SLC22A4: variants seen among roughly 807,000 people sequenced by gnomAD.
The protein encoded by SLC22A4 is solute carrier family 22 member 4.
Under a neutral mutation model 56.6 loss-of-function variants are expected in SLC22A4, and 39 were observed. The observed-to-expected ratio is 0.69, with a 90% CI of 0.53 to 0.90. The LOEUF is 0.90. SLC22A4 is among the 40% of genes least tolerant of loss of function. SLC22A4 has a pLI of 0.00. For synonymous variants in SLC22A4, 241 were observed against 281.4 expected, an observed-to-expected ratio of 0.86 and a Z score of 1.44; for missense variants, 594 against 696.5, an observed-to-expected ratio of 0.85 and a Z score of 1.66.
chr5:132,319,583 CTTTT>C (rs1010374341), intron 3 of SLC22A4, among the ~76,000 whole-genome samples: 22 of 152,252 alleles, frequency 1.4e-4, no homozygotes, highest in African/African-American at 5.3e-4. Flanking sequence ...GGAATATTAG[CTTTT>C]GTTTTAGTTT....
chr5:132,304,335 A>C (rs1749973765), intron 1 of SLC22A4, among the ~76,000 whole-genome samples: 2 of 152,306 alleles, frequency 1.3e-5, no homozygotes, highest in South Asian at 4.1e-4. Flanking sequence ...TAGAAAGATC[A>C]GACTGGCGTG....
intron 1 of SLC22A4, among the ~76,000 whole-genome samples, chr5:132,297,368 TGGG>T (rs1749804103): frequency 6.6e-6 from 1 of 151,844 alleles, no homozygotes; most frequent in African/African-American, 2.4e-5. Flanking sequence ...CTCTGGTGGT[TGGG>T]AGGAGGAGGG....
chr5:132,341,121 A>T (rs1451776641), intron 9 of SLC22A4, among the ~76,000 whole-genome samples: 7 of 150,110 alleles, frequency 4.7e-5, no homozygotes, highest in Admixed American at 2.7e-4. Flanking sequence ...CGTCTCAAAA[A>T]AAATAAATAA....
chr5:132,327,486 A>G, intron 5 of SLC22A4, 83 bp downstream of exon 5: 2 of 1,196,554 alleles, frequency 1.7e-6, no homozygotes, highest in Non-Finnish European at 2.5e-6. Flanking sequence ...ATATTTGTTA[A>G]GTGCCCACTA....
chr5:132,295,736 A>G (rs928657397), intron 1 of SLC22A4: 8 of 176,184 alleles, frequency 4.5e-5, no homozygotes, highest in Non-Finnish European at 8.6e-5. Context: ...GCTGCTTCAC[A>G]TCTGGTAAGG....
chr5:132,295,177 C>A (rs1378381570), intron 1 of SLC22A4, 168 bp downstream of exon 1: 1 of 809,738 alleles, frequency 1.2e-6, no homozygotes. Context: ...ATAGGACTCA[C>A]GCGAGGCGCA....
intron 6 of SLC22A4, chr5:132,332,356 C>G (rs1750885182): frequency 6.1e-6 from 1 of 163,472 alleles, no homozygotes. Flanking sequence ...GTCTGCAGTA[C>G]TGGGACCCAA....
At chr5:132,342,484 C>G (rs998018728) in intron 9 of SLC22A4, among the ~76,000 whole-genome samples, 1 of 152,166 alleles carries the variant, frequency 6.6e-6, no homozygotes, top group Non-Finnish European at 1.5e-5. Flanking sequence ...TATTGAGTGT[C>G]CTATAATGCA....
chr5:132,340,063 GTT>G (rs4646203), intron 8 of SLC22A4, among the ~76,000 whole-genome samples: 1,567 of 94,886 alleles, frequency 0.017, 36 homozygotes, highest in African/African-American at 0.06. Flanking sequence ...ATACTTAGTT[GTT>G]TTTTTTTTTT....
chr5:132,312,927 G>A lies in SLC22A4; in HGVS notation c.497+663G>A, dbSNP rs570450241. On this transcript the variant is annotated intron_variant, in intron 2 of 9. Transcript: ENST00000200652. Reference sequence around the variant, plus strand: ...GAGACATGAGTTTGGAAAATGGGGCGGGAAAGGCTGTTCTGCTCACACCTG... The same window carrying A: ...GAGACATGAGTTTGGAAAATGGGGCAGGAAAGGCTGTTCTGCTCACACCTG... 1.2e-4 allele frequency among the ~76,000 whole-genome samples: 19 copies of A among 152,348 alleles called. No individual in the cohort carries two copies. The South Asian group carries it at 1.9e-3, about 15-fold the overall frequency.
chr5:132,305,057 C>G (rs1580821483), intron 1 of SLC22A4, among the ~76,000 whole-genome samples: 1 of 152,152 alleles, frequency 6.6e-6, no homozygotes, highest in East Asian at 1.9e-4. Context: ...CCAGCCTGGG[C>G]AACAGAAAGA....
chr5:132,341,554 T>C (rs1436278557), intron 9 of SLC22A4, among the ~76,000 whole-genome samples: 3 of 152,190 alleles, frequency 2.0e-5, no homozygotes, highest in Non-Finnish European at 2.9e-5. Context: ...AAATTCAGTA[T>C]GTAATAAAAA....
Position 132,322,294 on chromosome 5 carries a change from G to A in SLC22A4, c.763G>A (p.Asp255Asn). 1.9e-6 allele frequency: 3 copies of A among 1,614,130 alleles called. No individual in the cohort carries two copies. Among genetic ancestry groups the A allele is most frequent in the Non-Finnish European group, 2.5e-6 (3 of 1,180,022 alleles). The change falls in exon 4 of 10, where the codon GAC (aspartate) becomes AAC (asparagine). Residue 255 changes from aspartate (D) to asparagine (N), a missense_variant. By Grantham distance (23) the Asp-to-Asn change is conservative. Coordinates refer to ENST00000200652, the MANE Select transcript of SLC22A4 (RefSeq NM_003059.3). ...LLPLFAYFIRDWRMLLLALTV... is the reference protein window; with the variant it reads ...LLPLFAYFIRNWRMLLLALTV... ...GCCACTGTTTGCTTACTTCATCAGA[G>A]ACTGGCGGATGCTGCTGCTGGCGCT... is the stretch of plus-strand genomic sequence containing the variant.
intron 1 of SLC22A4, among the ~76,000 whole-genome samples, chr5:132,310,200 T>C (rs1487648906): frequency 6.6e-6 from 1 of 152,224 alleles, no homozygotes; most frequent in African/African-American, 2.4e-5. Flanking sequence ...GAGGCCCAAG[T>C]AGGTATCTAT....
chr5:132,337,269 CTTTTTTTTTT>C (rs66717474), intron 8 of SLC22A4, among the ~76,000 whole-genome samples: 2 of 48,244 alleles, frequency 4.1e-5, no homozygotes, highest in Non-Finnish European at 4.0e-5. Flanking sequence ...TAAAGATTAC[CTTTTTTTTTT>C]TTTTTTTTTT....
intron 8 of SLC22A4, 101 bp from the exon 9 acceptor site, chr5:132,340,464 T>C: frequency 9.1e-7 from 1 of 1,102,894 alleles, no homozygotes; most frequent in Non-Finnish European, 1.4e-6. Context: ...CAGATTTAAA[T>C]CCATTCTCTT....
At chr5:132,303,250 C>T (rs1219017558) in intron 1 of SLC22A4, among the ~76,000 whole-genome samples, 2 of 152,270 alleles carry the variant, frequency 1.3e-5, no homozygotes, top group East Asian at 1.9e-4. Flanking sequence ...GGAGCGCCAG[C>T]GCCATAGACC....
At chr5:132,335,401 CATA>C (rs751357162) in intron 7 of SLC22A4, among the ~76,000 whole-genome samples, 4 of 152,094 alleles carry the variant, frequency 2.6e-5, no homozygotes, top group Non-Finnish European at 4.4e-5. Context: ...CTGACGTTCT[CATA>C]ATATTAAAAT....
At chr5:132,337,896 C>T (rs959502995) in intron 8 of SLC22A4, among the ~76,000 whole-genome samples, 30 of 118,802 alleles carry the variant, frequency 2.5e-4, no homozygotes, top group Admixed American at 9.7e-4. Flanking sequence ...CCACCATGTC[C>T]GGCTAATTTT....
Sources: allele counts gnomAD v4.1 joint callset (sites outside exome capture counted in the v4.1 genomes callset), GRCh38; gene constraint gnomAD v4.1.1; transcripts MANE v1.5; gene names NCBI Gene and HGNC (gene_info 2026-07-23, HGNC 2026-07-21).